L3MBTL4: variants seen among roughly 807,000 people sequenced by gnomAD.
The protein encoded by L3MBTL4 is lethal(3)malignant brain tumor-like protein 4.
A neutral mutation model predicts 84.5 loss-of-function variants in L3MBTL4; 70 were observed. That is an observed-to-expected ratio of 0.83 (90% CI 0.68 to 1.01). The LOEUF is 1.01. L3MBTL4 is among the 50% of genes least tolerant of loss of function. L3MBTL4 has a pLI of 0.00. For synonymous variants in L3MBTL4, 274 were observed against 259.8 expected, an observed-to-expected ratio of 1.05 and a Z score of -0.52; for missense variants, 715 against 754.8, an observed-to-expected ratio of 0.95 and a Z score of 0.62.
At chr18:6,136,973 C>T (rs912183018) in intron 14 of L3MBTL4, among the ~76,000 whole-genome samples, 8 of 152,196 alleles carry the variant, frequency 5.3e-5, no homozygotes, top group African/African-American at 1.9e-4. Context: ...AGTTGCCCTC[C>T]TGGCCTTCTT....
At chr18:6,374,356 C>T (rs536488480) in intron 1 of L3MBTL4, 11 of 154,896 alleles carry the variant, frequency 7.1e-5, no homozygotes, top group South Asian at 6.1e-4. Context: ...AAGCCTGGCA[C>T]GCTAGTGTTT....
chr18:6,222,601 A>G (rs957945828), intron 10 of L3MBTL4, among the ~76,000 whole-genome samples: 6 of 152,168 alleles, frequency 3.9e-5, no homozygotes, highest in Admixed American at 6.6e-5. Flanking sequence ...TAAAATAAAA[A>G]GCTAGGGTTG....
At chr18:6,116,257 A>C (rs1450992685) in intron 14 of L3MBTL4, among the ~76,000 whole-genome samples, 1 of 151,978 alleles carries the variant, frequency 6.6e-6, no homozygotes, top group African/African-American at 2.4e-5. Flanking sequence ...AACCAGAGTC[A>C]TGTGACAGGG....
intron 14 of L3MBTL4, among the ~76,000 whole-genome samples, chr18:6,128,832 G>T (rs2059784195): frequency 6.6e-6 from 1 of 152,146 alleles, no homozygotes; most frequent in Non-Finnish European, 1.5e-5. Context: ...AGGCAGCTGT[G>T]CAGCAGGTCT....
intron 16 of L3MBTL4, among the ~76,000 whole-genome samples, chr18:6,025,624 G>T (rs2055465579): frequency 6.6e-6 from 1 of 152,090 alleles, no homozygotes; most frequent in Non-Finnish European, 1.5e-5. Context: ...CAATCTTTTT[G>T]GCACCAGGGA....
At chr18:6,362,581 G>C (rs1376713797) in intron 1 of L3MBTL4, among the ~76,000 whole-genome samples, 1 of 152,102 alleles carries the variant, frequency 6.6e-6, no homozygotes, top group Non-Finnish European at 1.5e-5. Context: ...TTTTAAATGA[G>C]GCTCAGAGAA....
intron 16 of L3MBTL4, chr18:6,080,020 G>C (rs1598673417): frequency 1.3e-5 from 2 of 152,412 alleles, no homozygotes; most frequent in South Asian, 4.1e-4. Context: ...GAAGTGAGCA[G>C]TTCAGCACTG....
chr18:6,267,278 T>G (rs1187823431), intron 4 of L3MBTL4, among the ~76,000 whole-genome samples: 1 of 152,236 alleles, frequency 6.6e-6, no homozygotes, highest in Non-Finnish European at 1.5e-5. Context: ...TGAGAAATTT[T>G]TAAAGCATTT....
intron 4 of L3MBTL4, among the ~76,000 whole-genome samples, chr18:6,270,666 G>T (rs1599423883): frequency 6.6e-6 from 1 of 152,310 alleles, no homozygotes; most frequent in Middle Eastern, 3.4e-3. Flanking sequence ...GCAAAGCCAG[G>T]AGAGTGGAAA....
chr18:6,103,794 GTTCT>G (rs1394973444), intron 14 of L3MBTL4, among the ~76,000 whole-genome samples: 9 of 152,176 alleles, frequency 5.9e-5, no homozygotes, highest in African/African-American at 1.9e-4. Flanking sequence ...TGTTTTGAAA[GTTCT>G]TTCTCAAAGT....
At chr18:6,408,013 C>T (rs1191046258) in intron 1 of L3MBTL4, among the ~76,000 whole-genome samples, 2 of 152,090 alleles carry the variant, frequency 1.3e-5, no homozygotes, top group East Asian at 3.9e-4. Context: ...AGAGAAGATA[C>T]CATCCCCTCC....
intron 15 of L3MBTL4, among the ~76,000 whole-genome samples, chr18:6,087,596 G>A (rs1384497722): frequency 6.6e-6 from 1 of 151,986 alleles, no homozygotes. Context: ...GGTTTGTCAT[G>A]GTGTTTTGAT....
intron 10 of L3MBTL4, 120 bp downstream of exon 10, chr18:6,237,844 T>C (rs1156748519): frequency 5.2e-6 from 4 of 762,000 alleles, no homozygotes; most frequent in Non-Finnish European, 9.2e-6. Context: ...GAATCTCACA[T>C]AGTGTTTTTA....
intron 16 of L3MBTL4, among the ~76,000 whole-genome samples, chr18:6,008,344 T>G (rs1294644414): frequency 6.6e-6 from 1 of 152,210 alleles, no homozygotes; most frequent in African/African-American, 2.4e-5. Context: ...AAGGTCGATC[T>G]GTATCTGACA....
intron 1 of L3MBTL4, among the ~76,000 whole-genome samples, chr18:6,403,814 C>G (rs554455164): frequency 1.9e-4 from 29 of 152,156 alleles, no homozygotes; most frequent in Non-Finnish European, 4.1e-4. Context: ...TACAGCAGCA[C>G]AATTCACAAC....
At chr18:6,333,723 A>C (rs2052173072) in intron 1 of L3MBTL4, among the ~76,000 whole-genome samples, 1 of 152,232 alleles carries the variant, frequency 6.6e-6, no homozygotes. Flanking sequence ...ACAAATCAGC[A>C]AATCAATGGA....
chr18:6,041,321 A>G (rs560804186), intron 16 of L3MBTL4, among the ~76,000 whole-genome samples: 1 of 152,318 alleles, frequency 6.6e-6, no homozygotes, highest in East Asian at 1.9e-4. Context: ...TGCCCACCAC[A>G]TCTGCCATCT....
intron 3 of L3MBTL4, among the ~76,000 whole-genome samples, chr18:6,310,186 G>C (rs929358978): frequency 6.6e-6 from 1 of 152,226 alleles, no homozygotes; most frequent in African/African-American, 2.4e-5. Flanking sequence ...CAGAGGACAC[G>C]ACACAGCAGA....
chr18:6,384,825 G>C (rs1568586172), intron 1 of L3MBTL4, among the ~76,000 whole-genome samples: 1 of 152,204 alleles, frequency 6.6e-6, no homozygotes, highest in Non-Finnish European at 1.5e-5. Flanking sequence ...ACACTCAACA[G>C]TATGTGCAGT....
Sources: gnomAD v4.1 joint callset for allele counts (sites outside exome capture counted in the v4.1 genomes callset) on GRCh38, gnomAD v4.1.1 for gene constraint, MANE v1.5 for transcripts, NCBI Gene and HGNC (gene_info 2026-07-23, HGNC 2026-07-21) for gene names.